EPB41L4B: variants seen among roughly 807,000 people sequenced by gnomAD.
EPB41L4B encodes band 4.1-like protein 4B.
Under a neutral mutation model 112.5 loss-of-function variants are expected in EPB41L4B, and 30 were observed. The ratio of observed to expected loss-of-function variants is 0.27; its 90% CI spans 0.20 to 0.36. The LOEUF (loss-of-function observed/expected upper bound fraction) is 0.36. Among genes scored for constraint, EPB41L4B ranks in the 10% least tolerant of loss-of-function variants. The probability of loss-of-function intolerance (pLI) is 1.00; values close to 1 mark genes in which losing one functional copy is unlikely to be tolerated. For missense variants in EPB41L4B, 1,024 were observed against 1,133.3 expected (o/e 0.90, Z 1.38); for synonymous variants, 408 against 439.7 (o/e 0.93, Z 0.90).
At chr9:109,249,368 A>G (rs766097561) in intron 13 of EPB41L4B, among the ~76,000 whole-genome samples, 3 of 151,938 alleles carry the variant, frequency 2.0e-5, no homozygotes, top group Non-Finnish European at 4.4e-5. Context: ...GCACAATTTC[A>G]TCCACGGCTC....
intron 2 of EPB41L4B, among the ~76,000 whole-genome samples, chr9:109,277,999 G>A (rs755920150): frequency 1.3e-4 from 20 of 152,154 alleles, no homozygotes; most frequent in African/African-American, 3.6e-4. Context: ...GAATATGTAG[G>A]AGGGCCAGTA....
chr9:109,207,463 T>G (rs35316972), intron 18 of EPB41L4B, among the ~76,000 whole-genome samples: 9,182 of 152,106 alleles, frequency 0.06, 409 homozygotes, highest in Admixed American at 0.13. Context: ...TCCCAGCTAC[T>G]CGGGAGGCTG....
Position 109,172,240 on chromosome 9 carries a change from C to T in EPB41L4B, c.*2314G>A, listed in dbSNP as rs762258419. On this transcript the variant is annotated 3_prime_UTR_variant, in exon 26 of 26. Transcript: ENST00000374566. ...AGGAAATACTGGCTTTCCTGGCTTCCCCAAGAAACCTTCAGCTTTGCCCTG... is the reference window on the plus strand; with the variant it reads ...AGGAAATACTGGCTTTCCTGGCTTCTCCAAGAAACCTTCAGCTTTGCCCTG... 6.6e-6 allele frequency: 1 copy of T among 152,040 alleles called. No homozygotes were observed. 9.4% of individuals were successfully genotyped at this position (152,040 alleles called of 1,614,324 possible). A position where few individuals can be genotyped will look rare whatever the true frequency, so the allele number is the denominator to read the frequency against.
At chr9:109,182,381 C>T (rs1184048784) in intron 24 of EPB41L4B, among the ~76,000 whole-genome samples, 1 of 152,126 alleles carries the variant, frequency 6.6e-6, no homozygotes, top group East Asian at 1.9e-4. Context: ...AGAATGCAGA[C>T]TGGTGGTTGC....
chr9:109,266,870 G>A (rs1280618271), intron 4 of EPB41L4B, among the ~76,000 whole-genome samples: 2 of 150,792 alleles, frequency 1.3e-5, no homozygotes, highest in Admixed American at 6.6e-5. Context: ...TCGGGTGGCT[G>A]AGGCAGGAGA....
At position 109,182,791 on chromosome 9, in the gene EPB41L4B, T is replaced by C. The variant is rs1423868168; in HGVS notation, c.2425A>G (p.Thr809Ala). The part of the protein sequence containing the change: ...YPPIKTRLIK[T>A]FPVDTMNPFP... ...GGGTTCATTGTATCAACCGGGAATG[T>C]TTTTATCTTCAAAAGAGAGAAAGAC... Residue 809 changes from threonine (T) to alanine (A), a missense_variant, in exon 24 of 26, where the codon ACA becomes GCA. Thr to Ala is a moderately conservative substitution (Grantham distance 58, BLOSUM62 0). Coordinates refer to ENST00000374566, the MANE Select transcript of EPB41L4B (RefSeq NM_019114.5). The C allele has an allele frequency of 6.2e-7, 1 of 1,610,230 alleles. No individual in the cohort carries two copies. The highest frequency in any genetic ancestry group is 2.2e-5 in the East Asian group (1 of 44,862).
rs1419260016 is a variant in EPB41L4B at position 109,314,609 on chromosome 9, G to C, written c.306+5532C>G. 2.0e-5 allele frequency among the ~76,000 whole-genome samples: 3 copies of C among 148,416 alleles called. No homozygotes were observed. In the South Asian group the frequency reaches 6.5e-4, roughly 32 times the overall value. ...GCTTGTATCACGACACCCCCTTTGGGAAGGGTGTTCATTACCCCTCTCTCA... is the reference window on the plus strand; with the variant it reads ...GCTTGTATCACGACACCCCCTTTGGCAAGGGTGTTCATTACCCCTCTCTCA... On this transcript the variant is annotated intron_variant, in intron 1 of 25. Coordinates refer to ENST00000374566, the MANE Select transcript of EPB41L4B (RefSeq NM_019114.5).
At chr9:109,187,160 AAG>A (rs1372012242) in intron 22 of EPB41L4B, among the ~76,000 whole-genome samples, 1 of 152,160 alleles carries the variant, frequency 6.6e-6, no homozygotes, top group African/African-American at 2.4e-5. Context: ...CTTTTATCTC[AAG>A]AGAGTTTCCT....
intron 1 of EPB41L4B, among the ~76,000 whole-genome samples, chr9:109,292,684 T>A (rs1160350989): frequency 6.6e-6 from 1 of 152,212 alleles, no homozygotes; most frequent in East Asian, 1.9e-4. Context: ...TCTTTTAAAC[T>A]GTGGAGCTTA....
At chr9:109,191,864 G>A (rs1832471517) in intron 22 of EPB41L4B, among the ~76,000 whole-genome samples, 1 of 152,186 alleles carries the variant, frequency 6.6e-6, no homozygotes, top group Admixed American at 6.5e-5. Flanking sequence ...CAGGAGGTGC[G>A]AGGGGCCTGG....
intron 21 of EPB41L4B, among the ~76,000 whole-genome samples, chr9:109,193,706 A>C (rs73519207): frequency 0.016 from 2,416 of 152,330 alleles, 71 homozygotes; most frequent in African/African-American, 0.056. Flanking sequence ...ACCAAGAGAA[A>C]CATCTTGTGT....
At chr9:109,309,755 C>CAGAGAGAGAGAGAGAGAGAGAG (rs34950010) in intron 1 of EPB41L4B, among the ~76,000 whole-genome samples, 27 of 142,226 alleles carry the variant, frequency 1.9e-4, no homozygotes, top group African/African-American at 6.9e-4. Context: ...AATACACACA[C>CAGAGAGAGAGAGAGAGAGAGAG]AGAGAGAGAG....
At chr9:109,291,733 A>G (rs996597767) in intron 1 of EPB41L4B, among the ~76,000 whole-genome samples, 1 of 152,194 alleles carries the variant, frequency 6.6e-6, no homozygotes, top group Non-Finnish European at 1.5e-5. Context: ...GGAAGGAGGC[A>G]TTGATGATCA....
intron 15 of EPB41L4B, chr9:109,240,703 C>T (rs1331501480): frequency 1.0e-6 from 1 of 985,326 alleles, no homozygotes; most frequent in African/African-American, 1.7e-5. Flanking sequence ...TTTGGCACAA[C>T]TTCAAGAAAA....
rs386415824 is a variant in EPB41L4B at position 109,288,722 on chromosome 9, C to CA, written c.307-8802dup. On this transcript the variant is annotated intron_variant, in intron 1 of 25. Coordinates refer to ENST00000374566, the MANE Select transcript of EPB41L4B (RefSeq NM_019114.5). The stretch of plus-strand genomic sequence containing the variant: ...TTGGTGACAGAGCGAGACTCCGTCT[C>CA]AAAAAAAAAAAAAAAAAAAAAAAAA... Among the ~76,000 whole-genome samples, 169 of 23,022 alleles carry CA rather than the reference C, an allele frequency of 7.3e-3. 49 individuals are homozygous for CA. Among genetic ancestry groups the CA allele is most frequent in the African/African-American group, 0.021 (94 of 4,460 alleles). The allele number at this position is 23,022 out of a possible 152,430, so 15.1% of individuals were successfully genotyped here.
chr9:109,273,632 C>T (rs1835707064), intron 2 of EPB41L4B, among the ~76,000 whole-genome samples: 1 of 152,102 alleles, frequency 6.6e-6, no homozygotes, highest in South Asian at 2.1e-4. Flanking sequence ...GCAGCTCTGC[C>T]ACTCACCTCA....
At chr9:109,246,211 G>C (rs1444983890) in intron 14 of EPB41L4B, among the ~76,000 whole-genome samples, 1 of 152,152 alleles carries the variant, frequency 6.6e-6, no homozygotes, top group Non-Finnish European at 1.5e-5. Flanking sequence ...AGACCAGCGT[G>C]GCCAACATGG....
chr9:109,298,742 G>A (rs1197534385), intron 1 of EPB41L4B, among the ~76,000 whole-genome samples: 4 of 152,136 alleles, frequency 2.6e-5, no homozygotes, highest in Non-Finnish European at 5.9e-5. Context: ...GTAACGTCTC[G>A]TCATCTTTTA....
chr9:109,298,785 C>A (rs1238050089), intron 1 of EPB41L4B, among the ~76,000 whole-genome samples: 1 of 152,134 alleles, frequency 6.6e-6, no homozygotes, highest in Non-Finnish European at 1.5e-5. Context: ...TCGCTAACCC[C>A]AATTTTCTCC....
Sources: gnomAD v4.1 joint callset for allele counts (sites outside exome capture counted in the v4.1 genomes callset) on GRCh38, gnomAD v4.1.1 for gene constraint, MANE v1.5 for transcripts, NCBI Gene and HGNC (gene_info 2026-07-23, HGNC 2026-07-21) for gene names.